The following UBE3B variants were observed in gnomAD, a reference collection of about 807,000 sequenced individuals.
UBE3B encodes ubiquitin-protein ligase E3B.
UBE3B carries 80 observed loss-of-function variants against 132.3 expected under a neutral mutation model. The ratio of observed to expected loss-of-function variants is 0.60; its 90% confidence interval spans 0.50 to 0.73. The LOEUF (loss-of-function observed/expected upper bound fraction) is 0.73, where lower values mean the gene tolerates loss of function less well. Among genes scored for constraint, UBE3B ranks in the 30% least tolerant of loss-of-function variants. The pLI, the probability that UBE3B is intolerant of heterozygous loss-of-function variation, is 0.00. For missense variants in UBE3B, 1,196 were observed against 1,362.5 expected (o/e 0.88, Z 1.92); for synonymous variants, 487 against 520.4 (o/e 0.94, Z 0.87).
chr12:109,478,544 G>A (rs1374607115), intron 1 of UBE3B, among the ~76,000 whole-genome samples: 1 of 152,198 alleles, frequency 6.6e-6, no homozygotes, highest in Non-Finnish European at 1.5e-5. Flanking sequence ...ACTTTGGGAG[G>A]CCGAGGCGGG....
intron 13 of UBE3B, among the ~76,000 whole-genome samples, chr12:109,502,555 A>G (rs1879135878): frequency 6.6e-6 from 1 of 152,234 alleles, no homozygotes; most frequent in African/African-American, 2.4e-5. Flanking sequence ...TGACTCCAGC[A>G]GGATATCAAT....
rs1880111265 is a variant in UBE3B at position 109,509,609 on chromosome 12, A to G, written c.1636A>G (p.Ile546Val). The change falls in exon 16 of 28, where the codon ATT (isoleucine) becomes GTT (valine). Residue 546 changes from isoleucine (I) to valine (V), a missense_variant. Coordinates refer to ENST00000342494, the MANE Select transcript of UBE3B (RefSeq NM_130466.4). ...TCTCTGATTTAGAATCCTTGATGAC[A>G]TTGAAGTTTATGAAGAACAGATTTC... ...SRHLITILDDIEVYEEQISFK... is the reference protein window; with the variant it reads ...SRHLITILDDVEVYEEQISFK... The G allele has an allele frequency of 3.1e-6, 5 of 1,603,526 alleles. No individual in the cohort carries two copies. The highest frequency in any genetic ancestry group is 4.2e-6 in the Non-Finnish European group (5 of 1,177,036).
chr12:109,485,385 A>G (rs1043438405), intron 4 of UBE3B, among the ~76,000 whole-genome samples: 2 of 152,264 alleles, frequency 1.3e-5, no homozygotes, highest in Non-Finnish European at 2.9e-5. Context: ...CTATGCAGGC[A>G]GTGAACACAT....
In UBE3B at chr12:109,534,743, C is replaced by G; in HGVS notation, c.3168C>G (p.Arg1056=). Residue 1056 remains arginine (R), a synonymous_variant, in exon 28 of 28, where the codon CGC becomes CGG. Transcript: ENST00000342494. The surrounding 1 kb of genome is among the most constrained non-coding windows in gnomAD (Gnocchi z 5.2). ...AGAGCGTCCTCCGCGAGAAGCTGCG[C>G]TACGCCATCAGCATGAACACGGGCT... is the stretch of plus-strand genomic sequence containing the variant. ...SKKSVLREKL[R]YAISMNTGFE... is the part of the protein sequence containing the mutation. 6.3e-7 allele frequency: 1 copy of G among 1,588,198 alleles called. No homozygotes were observed. The highest frequency in any genetic ancestry group is 1.2e-5 in the South Asian group (1 of 86,836).
At position 109,521,628 on chromosome 12, in the gene UBE3B, G is replaced by C; in HGVS notation, c.2364+77G>C. On this transcript the variant is annotated intron_variant, in intron 21 of 27. Transcript: ENST00000342494. The surrounding 1 kb of genome is among the most constrained non-coding windows in gnomAD (Gnocchi z 4.2). ...TGGGCTTCTTCACATACACATATGT[G>C]ATCAGGCTTGGCCATGTAAACTGTC... 7.4e-7 allele frequency: 1 copy of C among 1,356,010 alleles called. No homozygotes were observed. 84.0% of individuals were successfully genotyped at this position (1,356,010 alleles called of 1,614,324 possible). A position where few individuals can be genotyped will look rare whatever the true frequency, so the allele number is the denominator to read the frequency against.
intron 27 of UBE3B, chr12:109,533,815 G>A (rs1425871937): frequency 2.2e-6 from 2 of 927,438 alleles, no homozygotes; most frequent in African/African-American, 1.6e-5. Flanking sequence ...CTGGAGTGGG[G>A]GTGGGTACGT....
At chr12:109,512,185 C>A (rs375154171) in intron 18 of UBE3B, among the ~76,000 whole-genome samples, 1 of 152,050 alleles carries the variant, frequency 6.6e-6, no homozygotes, top group Non-Finnish European at 1.5e-5. Context: ...TCCTGACTGC[C>A]CCCATGGACT....
the UBE3B span, among the ~76,000 whole-genome samples, chr12:109,544,789 T>C: frequency 6.6e-6 from 1 of 152,232 alleles, no homozygotes; most frequent in African/African-American, 2.4e-5. Flanking sequence ...CAGCAGACCC[T>C]GACCAGCCTC....
At chr12:109,526,883 A>T (rs73196288) in intron 24 of UBE3B, among the ~76,000 whole-genome samples, 9 of 151,026 alleles carry the variant, frequency 6.0e-5, no homozygotes, top group Non-Finnish European at 7.4e-5. Context: ...AAAAAAAAAA[A>T]AATTGATTTG....
chr12:109,517,576 C>T (rs1169436844), intron 19 of UBE3B, among the ~76,000 whole-genome samples: 3 of 152,192 alleles, frequency 2.0e-5, no homozygotes, highest in Non-Finnish European at 4.4e-5. Flanking sequence ...CTGTGTTATC[C>T]ATGCCACAGC....
intron 9 of UBE3B, among the ~76,000 whole-genome samples, chr12:109,493,043 C>A (rs1877699927): frequency 3.3e-5 from 5 of 152,134 alleles, no homozygotes; most frequent in Admixed American, 3.3e-4. Flanking sequence ...CAGGATGTAA[C>A]CGGTTATGCT....
Position 109,483,709 on chromosome 12 carries a change from T to A in UBE3B, c.158T>A (p.Ile53Asn). The A allele has an allele frequency of 6.2e-7, 1 of 1,601,260 alleles. No homozygotes were observed. The highest frequency in any genetic ancestry group is 8.5e-7 in the Non-Finnish European group (1 of 1,174,684). The change falls in exon 3 of 28, where the codon ATC becomes AAC. Residue 53 changes from isoleucine to asparagine, a missense_variant. By Grantham distance (149) the Ile-to-Asn change is moderately radical. Transcript: ENST00000342494. Reference sequence around the variant, plus strand: ...TGTCGGAGTCGACTGCAGAGAGATATCAGGTAAGGGCTAGGATCTCCCTAG... The same window carrying A: ...TGTCGGAGTCGACTGCAGAGAGATAACAGGTAAGGGCTAGGATCTCCCTAG... ...FLCRSRLQRD[I>N]RREIDDFFKA...
In UBE3B at chr12:109,498,119, G is replaced by A. The variant is rs917263566; in HGVS notation, c.820-114G>A. ...TTCTTGTCTGTCCATTTTCTTCTTGGTGTTTGCTAGCACATCCTCCATAAC... is the reference window on the plus strand; with the variant it reads ...TTCTTGTCTGTCCATTTTCTTCTTGATGTTTGCTAGCACATCCTCCATAAC... On this transcript the variant is annotated intron_variant, in intron 10 of 27. Transcript: ENST00000342494. 4.7e-6 allele frequency: 7 copies of A among 1,478,786 alleles called. No individual in the cohort carries two copies. In the African/African-American group the frequency reaches 9.8e-5, roughly 21 times the overall value. The allele number at this position is 1,478,786 out of a possible 1,614,324, so 91.6% of individuals were successfully genotyped here. A position where few individuals can be genotyped will look rare whatever the true frequency, so the allele number is the denominator to read the frequency against.
At chr12:109,540,801 C>T (rs957914963), downstream of UBE3B, among the ~76,000 whole-genome samples, 2 of 152,226 alleles carry the variant, frequency 1.3e-5, no homozygotes, top group African/African-American at 2.4e-5. Context: ...TATTTTACAA[C>T]AAGAACATTG....
intron 24 of UBE3B, among the ~76,000 whole-genome samples, chr12:109,527,451 G>T (rs1183842328): frequency 6.6e-6 from 1 of 152,186 alleles, no homozygotes; most frequent in African/African-American, 2.4e-5. Context: ...GACAAGTGAG[G>T]GCTCAGTCCC....
At chr12:109,542,789 G>A in the UBE3B span, among the ~76,000 whole-genome samples, 1 of 152,226 alleles carries the variant, frequency 6.6e-6, no homozygotes, top group East Asian at 1.9e-4. Context: ...CCAACCCTGT[G>A]AATCTCTTGA....
chr12:109,492,391 A>G (rs1187287811), intron 9 of UBE3B: 2 of 145,370 alleles, frequency 1.4e-5, no homozygotes, highest in Middle Eastern at 3.7e-3. Flanking sequence ...GTTCTGTTGG[A>G]CAAGGCTGAC....
At chr12:109,491,440 A>G (rs935990987) in intron 9 of UBE3B, 8 of 233,808 alleles carry the variant, frequency 3.4e-5, no homozygotes, top group Non-Finnish European at 6.6e-5. Context: ...GTTTTAATTG[A>G]CAAAACAAAA....
chr12:109,506,214 G>A (rs1879655352), intron 14 of UBE3B, among the ~76,000 whole-genome samples: 1 of 152,232 alleles, frequency 6.6e-6, no homozygotes. Flanking sequence ...GGGAAGCTTT[G>A]CCAAAGGTGG....
Sources: gnomAD v4.1 joint callset for allele counts (sites outside exome capture counted in the v4.1 genomes callset) on GRCh38, gnomAD v4.1.1 for gene constraint, Gnocchi (gnomAD v3.1) non-coding constraint, MANE v1.5 for transcripts, NCBI Gene and HGNC (gene_info 2026-07-23, HGNC 2026-07-21) for gene names.